Variants in THSD7A observed in about 807,000 individuals in gnomAD.
THSD7A encodes thrombospondin type 1 domain containing 7A, also known as thrombospondin type-1 domain-containing protein 7A.
In THSD7A, 96 loss-of-function variants were observed where a neutral mutation model predicts 231.3. The observed-to-expected ratio is 0.41, with a 90% CI of 0.35 to 0.49. The LOEUF (loss-of-function observed/expected upper bound fraction) is 0.49. Among genes scored for constraint, THSD7A ranks in the 20% least tolerant of loss-of-function variants. The probability of loss-of-function intolerance (pLI) is 0.05; values close to 1 mark genes in which losing one functional copy is unlikely to be tolerated. For synonymous variants in THSD7A, 940 were observed against 743.3 expected (o/e 1.26, Z -4.30); for missense variants, 2,290 against 2,070.2 (o/e 1.11, Z -2.06).
intron 1 of THSD7A, among the ~76,000 whole-genome samples, chr7:11,656,822 G>C (rs999137496): frequency 2.0e-5 from 3 of 151,762 alleles, no homozygotes; most frequent in Non-Finnish European, 4.4e-5. Flanking sequence ...GTTTGTAGAG[G>C]AATTTTCTTT....
intron 1 of THSD7A, among the ~76,000 whole-genome samples, chr7:11,710,090 ATTTT>A (rs533515786): frequency 6.7e-5 from 10 of 150,244 alleles, no homozygotes; most frequent in South Asian, 6.2e-4. Context: ...AATAAATGCT[ATTTT>A]TTTTTAAAAA....
At chr7:11,819,825 A>G (rs536333087) in intron 1 of THSD7A, among the ~76,000 whole-genome samples, 3 of 152,292 alleles carry the variant, frequency 2.0e-5, no homozygotes, top group African/African-American at 7.2e-5. Context: ...GTTGGTTAAT[A>G]ATAATGTAGT....
chr7:11,732,986 C>G (rs542556656), intron 1 of THSD7A, among the ~76,000 whole-genome samples: 151 of 151,882 alleles, frequency 9.9e-4, no homozygotes, highest in Middle Eastern at 3.4e-3. Flanking sequence ...ACATAAATAT[C>G]TAAGCAGTAT....
Position 11,474,878 on chromosome 7 carries a change from A to G in THSD7A, c.2018-310T>C, listed in dbSNP as rs1023462914. On this transcript the variant is annotated intron_variant, in intron 7 of 27. Coordinates refer to ENST00000423059, the MANE Select transcript of THSD7A (RefSeq NM_015204.3). This position sits in a 1 kb window ranked among gnomAD's most constrained non-coding sequence, Gnocchi z 4.1. ...TTGTGCGGTATTTAGTATAACTGGG[A>G]TTCAAGGAGTACAATTTCACTACTT... Among the ~76,000 whole-genome samples, 1 of 152,158 alleles carries G rather than the reference A, an allele frequency of 6.6e-6. No individual in the cohort carries two copies. The highest frequency in any genetic ancestry group is 1.5e-5 in the Non-Finnish European group (1 of 68,034).
chr7:11,657,894 TG>T (rs1782768757), intron 1 of THSD7A, among the ~76,000 whole-genome samples: 2 of 151,924 alleles, frequency 1.3e-5, no homozygotes, highest in Admixed American at 6.6e-5. Context: ...GAAAAGATTC[TG>T]AATTAAAAAT....
intron 6 of THSD7A, among the ~76,000 whole-genome samples, chr7:11,518,405 A>C (rs1229682411): frequency 6.6e-6 from 1 of 152,110 alleles, no homozygotes; most frequent in East Asian, 1.9e-4. Context: ...AGGGTAGGAG[A>C]GTGTACTCTA....
chr7:11,476,866 C>A (rs1019051687), intron 7 of THSD7A, among the ~76,000 whole-genome samples: 1 of 151,018 alleles, frequency 6.6e-6, no homozygotes, highest in Non-Finnish European at 1.5e-5. Context: ...TATACAAATT[C>A]ATTTTCATGT....
intron 1 of THSD7A, among the ~76,000 whole-genome samples, chr7:11,786,985 T>A (rs1783814171): frequency 6.6e-6 from 1 of 152,054 alleles, no homozygotes; most frequent in Non-Finnish European, 1.5e-5. Context: ...AGAGTTCATA[T>A]AAATTTTAAA....
At chr7:11,772,022 T>C (rs1589943) in intron 1 of THSD7A, among the ~76,000 whole-genome samples, 1,853 of 152,276 alleles carry the variant, frequency 0.012, 25 homozygotes, top group Non-Finnish European at 0.021. Flanking sequence ...CATTCACGCT[T>C]CTTGTACAGC....
chr7:11,608,494 G>C (rs1231513160), intron 2 of THSD7A, among the ~76,000 whole-genome samples: 1 of 152,104 alleles, frequency 6.6e-6, no homozygotes, highest in African/African-American at 2.4e-5. Context: ...CACTCCTGTT[G>C]ACTAGAACAT....
chr7:11,509,286 A>G (rs774821672), intron 6 of THSD7A, among the ~76,000 whole-genome samples: 9 of 152,162 alleles, frequency 5.9e-5, no homozygotes, highest in Non-Finnish European at 1.3e-4. Context: ...CAAGTACTAG[A>G]GCAGTGATGA....
rs577364870 is a variant in THSD7A, at chr7:11,594,583, T to C, written c.1023-1081A>G. Reference sequence around the variant, plus strand: ...GAAGGCAAGGAGTTTAGAGACTCTATATATAACACCTTTGACCATATATGG... The same window carrying C: ...GAAGGCAAGGAGTTTAGAGACTCTACATATAACACCTTTGACCATATATGG... On this transcript the variant is annotated intron_variant, in intron 2 of 27. Coordinates refer to ENST00000423059, the MANE Select transcript of THSD7A (RefSeq NM_015204.3). 2.6e-5 allele frequency among the ~76,000 whole-genome samples: 4 copies of C among 152,228 alleles called. No homozygotes were observed. In the East Asian group the frequency reaches 5.8e-4, roughly 22 times the overall value.
intron 9 of THSD7A, among the ~76,000 whole-genome samples, chr7:11,463,283 C>A (rs1785573731): frequency 1.3e-5 from 2 of 152,132 alleles, no homozygotes; most frequent in South Asian, 2.1e-4. Flanking sequence ...ACGGTCTGGG[C>A]AACTGACTCA....
intron 1 of THSD7A, among the ~76,000 whole-genome samples, chr7:11,686,613 G>T (rs1395394914): frequency 6.6e-6 from 1 of 151,812 alleles, no homozygotes; most frequent in Non-Finnish European, 1.5e-5. Context: ...AATGCATGAA[G>T]AAAATCTGGT....
chr7:11,392,749 T>C (rs1439950086), intron 23 of THSD7A, among the ~76,000 whole-genome samples: 1 of 152,196 alleles, frequency 6.6e-6, no homozygotes, highest in African/African-American at 2.4e-5. Context: ...CTCCTCACAG[T>C]GTAAACAAAG....
At chr7:11,570,798 G>A (rs1440253142) in intron 4 of THSD7A, among the ~76,000 whole-genome samples, 1 of 152,190 alleles carries the variant, frequency 6.6e-6, no homozygotes, top group Admixed American at 6.5e-5. Context: ...GCAGTGGGTA[G>A]GGGTGGAGAG....
intron 1 of THSD7A, among the ~76,000 whole-genome samples, chr7:11,672,526 C>A (rs1783434939): frequency 6.6e-6 from 1 of 151,792 alleles, no homozygotes; most frequent in South Asian, 2.1e-4. Context: ...ACATGTTTTG[C>A]ATATTTATGT....
chr7:11,472,920 C>G (rs895347602), intron 8 of THSD7A, among the ~76,000 whole-genome samples: 7 of 152,138 alleles, frequency 4.6e-5, no homozygotes, highest in Non-Finnish European at 1.0e-4. Flanking sequence ...CTTGATCCAG[C>G]AAGAGTCAGA....
At chr7:11,740,705 A>C (rs1273105473) in intron 1 of THSD7A, among the ~76,000 whole-genome samples, 2 of 151,824 alleles carry the variant, frequency 1.3e-5, no homozygotes, top group African/African-American at 4.8e-5. Flanking sequence ...CCTTCTCCCA[A>C]ACATTTTATT....
Sources: allele counts gnomAD v4.1 joint callset (sites outside exome capture counted in the v4.1 genomes callset), GRCh38; gene constraint gnomAD v4.1.1; non-coding constraint Gnocchi (gnomAD v3.1); transcripts MANE v1.5; gene names NCBI Gene and HGNC (gene_info 2026-07-23, HGNC 2026-07-21).